TLN2: variants seen among roughly 807,000 people sequenced by gnomAD.
The protein encoded by TLN2 is talin 2, also known as talin-2.
Under a neutral mutation model 294.7 loss-of-function variants are expected in TLN2, and 118 were observed. The ratio of observed to expected loss-of-function variants is 0.40; its 90% CI spans 0.34 to 0.47. TLN2 has a LOEUF of 0.47. TLN2 is among the 20% of genes least tolerant of loss of function. The probability of loss-of-function intolerance (pLI) is 0.84; values close to 1 mark genes in which losing one functional copy is unlikely to be tolerated. For synonymous variants in TLN2, 1,431 were observed against 1,304.5 expected (o/e 1.10, Z -2.09); for missense variants, 3,083 against 3,282.2 (o/e 0.94, Z 1.48).
intron 9 of TLN2, among the ~76,000 whole-genome samples, chr15:62,663,459 C>T (rs1358945887): frequency 6.6e-6 from 1 of 151,082 alleles, no homozygotes; most frequent in African/African-American, 2.5e-5. Context: ...AGAAAAAGAG[C>T]TAAACCATAT....
Position 62,797,238 on chromosome 15 carries a change from G to T in TLN2, c.6070G>T (p.Ala2024Ser). The T allele has an allele frequency of 6.2e-7, 1 of 1,614,048 alleles. No homozygotes were observed. The highest frequency in any genetic ancestry group is 8.5e-7 in the Non-Finnish European group (1 of 1,180,032). Reference protein sequence around the residue: ...ADHRENILKTAKALVEDTKLL... With the variant: ...ADHRENILKTSKALVEDTKLL... Reference sequence around the variant, plus strand: ...TCTCAGGGAGAACATTCTCAAGACGGCCAAGGCCTTGGTAGAAGACACGAA... The same window carrying T: ...TCTCAGGGAGAACATTCTCAAGACGTCCAAGGCCTTGGTAGAAGACACGAA... Residue 2024 changes from alanine (A) to serine (S), a missense_variant, in exon 48 of 59, where the codon GCC becomes TCC. Coordinates refer to ENST00000636159, the MANE Select transcript of TLN2 (RefSeq NM_015059.3).
intron 9 of TLN2, among the ~76,000 whole-genome samples, chr15:62,667,191 C>A (rs946133818): frequency 7.2e-5 from 11 of 152,138 alleles, no homozygotes; most frequent in South Asian, 2.1e-4. Flanking sequence ...TGGTCTCGAT[C>A]TCCTGACCTA....
chr15:62,491,318 C>T (rs2038692178), intron 1 of TLN2, among the ~76,000 whole-genome samples: 2 of 142,062 alleles, frequency 1.4e-5, no homozygotes, highest in South Asian at 4.5e-4. Context: ...CAGAGCAAGA[C>T]TCTGTCTCAA....
At chr15:62,452,353 G>A (rs747278689) in intron 1 of TLN2, among the ~76,000 whole-genome samples, 14 of 152,170 alleles carry the variant, frequency 9.2e-5, no homozygotes, top group South Asian at 4.1e-4. Context: ...TACCTATTCC[G>A]TGAAGTTAGA....
intron 2 of TLN2, among the ~76,000 whole-genome samples, chr15:62,604,542 AAAAAG>A (rs1193244152): frequency 2.7e-5 from 4 of 149,966 alleles, no homozygotes; most frequent in Admixed American, 6.6e-5. Context: ...AAAAAAAAAA[AAAAAG>A]AAAAGGGTGG....
chr15:62,733,643 A>G (rs76232921), intron 28 of TLN2, among the ~76,000 whole-genome samples: 5,836 of 152,350 alleles, frequency 0.038, 237 homozygotes, highest in East Asian at 0.21. Flanking sequence ...TACACAATCC[A>G]CATGAATTCT....
chr15:62,712,207 A>C (rs2059469645), intron 22 of TLN2, 130 bp downstream of exon 22: 20 of 1,130,894 alleles, frequency 1.8e-5, no homozygotes, highest in Non-Finnish European at 2.5e-5. Flanking sequence ...ATGGCTTGTA[A>C]CATCTAACCC....
intron 3 of TLN2, among the ~76,000 whole-genome samples, chr15:62,625,677 G>C (rs1244016578): frequency 6.6e-6 from 1 of 152,218 alleles, no homozygotes; most frequent in East Asian, 1.9e-4. Context: ...TGAAGCATGG[G>C]TTGATGCCGA....
At chr15:62,478,644 C>T (rs944123522) in intron 1 of TLN2, among the ~76,000 whole-genome samples, 7 of 152,086 alleles carry the variant, frequency 4.6e-5, no homozygotes, top group Admixed American at 2.6e-4. Context: ...TCCTCGAGGG[C>T]TCAGGCTGGG....
chr15:62,441,614 T>C (rs2035549927), intron 1 of TLN2, among the ~76,000 whole-genome samples: 1 of 152,214 alleles, frequency 6.6e-6, no homozygotes, highest in Non-Finnish European at 1.5e-5. Flanking sequence ...CTGGATGTCC[T>C]CTAATTTAAC....
chr15:62,717,605 C>T lies in TLN2; in HGVS notation c.2793C>T (p.Ala931=), dbSNP rs1320191. 0.86 allele frequency: 1,369,917 copies of T among 1,595,556 alleles called. 597,173 individuals carry two copies. Among genetic ancestry groups the T allele is most frequent in the East Asian group, 0.95 (41,898 of 44,224 alleles). The change falls in exon 24 of 59, where the codon GCC becomes GCT. Residue 931 remains alanine (A), a synonymous_variant. Transcript: ENST00000636159. ...CAGCCAAGCAGGCCGCAGCGGCAGC[C>T]ACACAGACCATCGCCGCCTCCCAGA... is the stretch of plus-strand genomic sequence containing the variant. ...EVAAKQAAAA[A]TQTIAASQNA... is the part of the protein sequence containing the mutation.
chr15:62,782,098 C>T (rs2141083595), intron 44 of TLN2, among the ~76,000 whole-genome samples: 2 of 152,322 alleles, frequency 1.3e-5, no homozygotes, highest in South Asian at 4.1e-4. Flanking sequence ...ATCAATGGGC[C>T]TTCCTCGCTG....
chr15:62,825,941 G>A (rs535595843), intron 54 of TLN2, among the ~76,000 whole-genome samples: 57 of 139,702 alleles, frequency 4.1e-4, no homozygotes, highest in African/African-American at 1.2e-3. Flanking sequence ...GCTGAGAATC[G>A]ATTGAACTTG....
chr15:62,599,408 G>A (rs559945847), intron 2 of TLN2, among the ~76,000 whole-genome samples: 7 of 152,258 alleles, frequency 4.6e-5, no homozygotes, highest in South Asian at 2.1e-4. Flanking sequence ...TTGTAAGGAC[G>A]GGATAGAATG....
chr15:62,457,006 GAC>G (rs2036520294), intron 1 of TLN2, among the ~76,000 whole-genome samples: 1 of 152,206 alleles, frequency 6.6e-6, no homozygotes, highest in Non-Finnish European at 1.5e-5. Flanking sequence ...GTGAATGCTT[GAC>G]ACACTGTTTA....
At chr15:62,611,542 C>T (rs1315139646) in intron 2 of TLN2, among the ~76,000 whole-genome samples, 1 of 152,210 alleles carries the variant, frequency 6.6e-6, no homozygotes, top group East Asian at 1.9e-4. Flanking sequence ...CCACATCCCA[C>T]CAAGTGGTTG....
chr15:62,745,773 TA>T (rs2061575058), intron 32 of TLN2, among the ~76,000 whole-genome samples: 1 of 152,250 alleles, frequency 6.6e-6, no homozygotes, highest in Non-Finnish European at 1.5e-5. Flanking sequence ...GTTTAAAACA[TA>T]AATATTGTTT....
At chr15:62,722,281 C>T (rs966135445) in intron 25 of TLN2, 72 bp from the exon 26 acceptor site, 19 of 1,483,378 alleles carry the variant, frequency 1.3e-5, no homozygotes, top group African/African-American at 7.0e-5. Context: ...GTGGAGACCT[C>T]GCTGCTTAGG....
intron 50 of TLN2, among the ~76,000 whole-genome samples, chr15:62,805,178 G>C (rs2066191139): frequency 6.6e-6 from 1 of 152,164 alleles, no homozygotes; most frequent in South Asian, 2.1e-4. Context: ...AGTCCTGAGT[G>C]ATGGGGCCAG....
Sources: gnomAD v4.1 joint callset for allele counts (sites outside exome capture counted in the v4.1 genomes callset) on GRCh38, gnomAD v4.1.1 for gene constraint, MANE v1.5 for transcripts, NCBI Gene and HGNC (gene_info 2026-07-23, HGNC 2026-07-21) for gene names.